Variants in TTLL6 observed in about 807,000 individuals in gnomAD.
The protein encoded by TTLL6 is tubulin tyrosine ligase like 6, also known as tubulin polyglutamylase TTLL6.
Under a neutral mutation model 96.4 loss-of-function variants are expected in TTLL6, and 75 were observed. The observed-to-expected ratio is 0.78, with a 90% CI of 0.65 to 0.94. TTLL6 has a LOEUF of 0.94. TTLL6 is among the 40% of genes least tolerant of loss of function. The pLI, the probability that TTLL6 is intolerant of heterozygous loss-of-function variation, is 0.00. For synonymous variants in TTLL6, 411 were observed against 419.4 expected (o/e 0.98, Z 0.24); for missense variants, 1,030 against 1,093.0 (o/e 0.94, Z 0.81).
chr17:48,771,669 G>GTATA (rs34568678), intron 13 of TTLL6, among the ~76,000 whole-genome samples: 1,867 of 150,826 alleles, frequency 0.012, 29 homozygotes, highest in African/African-American at 0.04. Context: ...ACACATTAGT[G>GTATA]TATATATATA....
rs1474938395 is a variant in TTLL6 at position 48,781,908 on chromosome 17, T to C, written c.2040+3015A>G. 3.3e-5 allele frequency among the ~76,000 whole-genome samples: 5 copies of C among 152,292 alleles called. No individual in the cohort carries two copies. In the South Asian group the frequency reaches 8.3e-4, roughly 25 times the overall value. On this transcript the variant is annotated intron_variant, in intron 13 of 15. Coordinates refer to ENST00000393382, the MANE Select transcript of TTLL6 (RefSeq NM_001130918.3). ...GGACACAGCAAGAAGCTGCCGTCTATGAGGAATAGGCCCTCACCAGACATC... is the reference window on the plus strand; with the variant it reads ...GGACACAGCAAGAAGCTGCCGTCTACGAGGAATAGGCCCTCACCAGACATC...
intron 1 of TTLL6, among the ~76,000 whole-genome samples, chr17:48,816,505 A>T (rs541032334): frequency 2.0e-5 from 3 of 152,272 alleles, no homozygotes; most frequent in Admixed American, 2.0e-4. Context: ...TAACAACTGG[A>T]AATGAAAGAA....
intron 2 of TTLL6, chr17:48,804,230 C>T (rs980699063): frequency 3.6e-6 from 2 of 559,424 alleles, no homozygotes; most frequent in Non-Finnish European, 3.4e-6. Context: ...ACTCCACTGG[C>T]TCATCAGGGA....
chr17:48,794,097 GGAGA>G (rs2039277123), intron 8 of TTLL6: 1 of 1,549,934 alleles, frequency 6.5e-7, no homozygotes, highest in African/African-American at 1.4e-5. Flanking sequence ...GGCTGCTCCA[GGAGA>G]GAGTGGATGG....
chr17:48,778,986 A>G (rs1281854328), intron 13 of TTLL6, among the ~76,000 whole-genome samples: 1 of 151,150 alleles, frequency 6.6e-6, no homozygotes, highest in Non-Finnish European at 1.5e-5. Context: ...AGTCTCAGCT[A>G]CTCAGGAGGC....
At chr17:48,782,045 C>A (rs1284247863) in intron 13 of TTLL6, among the ~76,000 whole-genome samples, 1 of 151,712 alleles carries the variant, frequency 6.6e-6, no homozygotes, top group Non-Finnish European at 1.5e-5. Flanking sequence ...GCAGCCTGAA[C>A]AGACTAAGGC....
rs759372754 is a variant in TTLL6, at chr17:48,801,666, T to C, written c.362-23A>G. ...GCACTATTGAAGAAAGAAAGGCCTATTAGCCCAGGAAGTGGGGGAGGAGTA... is the reference window on the plus strand; with the variant it reads ...GCACTATTGAAGAAAGAAAGGCCTACTAGCCCAGGAAGTGGGGGAGGAGTA... On this transcript the variant is annotated intron_variant, in intron 3 of 15. Coordinates refer to ENST00000393382, the MANE Select transcript of TTLL6 (RefSeq NM_001130918.3). 14 of 1,536,564 alleles carry C rather than the reference T, an allele frequency of 9.1e-6. No individual in the cohort carries two copies. The South Asian group carries it at 1.3e-4, about 14-fold the overall frequency.
Position 48,791,446 on chromosome 17 carries a change from T to C in TTLL6, c.1156A>G (p.Ser386Gly). The C allele has an allele frequency of 6.2e-7, 1 of 1,614,170 alleles. No individual in the cohort carries two copies. Among genetic ancestry groups the C allele is most frequent in the African/African-American group, 1.3e-5 (1 of 75,036 alleles). ...HTCFPNHTLNSACFEILGFDI... is the reference protein window; with the variant it reads ...HTCFPNHTLNGACFEILGFDI... ...AAGCCCAGGATCTCAAAGCAGGCGC[T>C]GTTGAGTGTGTGGTTGGGGAAGCAG... Residue 386 changes from serine to glycine, a missense_variant, in exon 9 of 16, where the codon AGC (serine) becomes GGC (glycine). Transcript: ENST00000393382.
chr17:48,770,510 G>GTTGTTATTATTATTA (rs1555563118), intron 13 of TTLL6, among the ~76,000 whole-genome samples: 19 of 147,858 alleles, frequency 1.3e-4, no homozygotes, highest in African/African-American at 3.0e-4. Context: ...TATTGTTGTT[G>GTTGTTATTATTATTA]TTATTATTAT....
At chr17:48,810,373 A>G (rs974258181) in intron 1 of TTLL6, among the ~76,000 whole-genome samples, 3 of 152,040 alleles carry the variant, frequency 2.0e-5, no homozygotes, top group Non-Finnish European at 2.9e-5. Context: ...GGTACTTGCC[A>G]TGTGACTACT....
chr17:48,816,909 A>G, intron 1 of TTLL6, 61 bp downstream of exon 1: 3 of 1,306,202 alleles, frequency 2.3e-6, no homozygotes, highest in Non-Finnish European at 3.1e-6. Context: ...CCAGGTTTTC[A>G]GGGGACAGGC....
At chr17:48,783,444 T>A (rs1392404061) in intron 13 of TTLL6, among the ~76,000 whole-genome samples, 2 of 152,152 alleles carry the variant, frequency 1.3e-5, no homozygotes, top group African/African-American at 2.4e-5. Context: ...ATTGTTTTTT[T>A]TTTTTTAGAT....
At chr17:48,807,802 G>A (rs1228338014) in intron 1 of TTLL6, among the ~76,000 whole-genome samples, 1 of 152,050 alleles carries the variant, frequency 6.6e-6, no homozygotes, top group Non-Finnish European at 1.5e-5. Context: ...ATGAGCCACC[G>A]TGCATGGCCA....
intron 13 of TTLL6, among the ~76,000 whole-genome samples, chr17:48,781,903 G>A (rs535085336): frequency 1.1e-4 from 16 of 152,124 alleles, no homozygotes; most frequent in African/African-American, 2.2e-4. Flanking sequence ...AGAAGCTGCC[G>A]TCTATGAGGA....
At chr17:48,813,391 CAATAAATA>C (rs1255354146) in intron 1 of TTLL6, among the ~76,000 whole-genome samples, 2 of 151,904 alleles carry the variant, frequency 1.3e-5, no homozygotes, top group Admixed American at 6.6e-5. Context: ...CCCACTCTAC[CAATAAATA>C]AATAAATAAA....
chr17:48,783,757 T>TAA (rs2039035221), intron 13 of TTLL6, among the ~76,000 whole-genome samples: 1 of 152,184 alleles, frequency 6.6e-6, no homozygotes, highest in Non-Finnish European at 1.5e-5. Flanking sequence ...TTATTGGTGC[T>TAA]ATTTGTTTTG....
rs147076912 is a variant in TTLL6, at chr17:48,789,975, T to A, written c.1356A>T (p.Arg452Ser). Residue 452 changes from arginine (R) to serine (S), a missense_variant, in exon 10 of 16, where the codon AGA (arginine) becomes AGT (serine). Arg to Ser is a moderately radical substitution (Grantham distance 110). Transcript: ENST00000393382. ...ACTGCTGCAGGAACTGCCCCCGTTG[T>A]CTCTCCTCCTCCAAGACTTTCTTCT... Reference protein sequence around the residue: ...CDKKKVLEEERQRGQFLQQCC... With the variant: ...CDKKKVLEEESQRGQFLQQCC... 47 of 1,614,060 alleles carry A rather than the reference T, an allele frequency of 2.9e-5. 1 individual carries two copies. The Middle Eastern group carries it at 6.6e-4, about 23-fold the overall frequency.
intron 1 of TTLL6, chr17:48,815,842 CTG>C (rs965547243): frequency 8.5e-5 from 13 of 152,170 alleles, no homozygotes; most frequent in Non-Finnish European, 5.9e-5. Context: ...CTTCTAGAAA[CTG>C]AGAAATTCTG....
intron 1 of TTLL6, among the ~76,000 whole-genome samples, chr17:48,809,658 A>G (rs1405977340): frequency 6.6e-6 from 1 of 151,946 alleles, no homozygotes; most frequent in Non-Finnish European, 1.5e-5. Context: ...CAGGAGTTCA[A>G]AACCCGCCTG....
Sources: allele counts gnomAD v4.1 joint callset (sites outside exome capture counted in the v4.1 genomes callset), GRCh38; gene constraint gnomAD v4.1.1; transcripts MANE v1.5; gene names NCBI Gene and HGNC (gene_info 2026-07-23, HGNC 2026-07-21).